NPFFR2: variants seen among roughly 807,000 people sequenced by gnomAD.
NPFFR2 encodes the protein neuropeptide FF receptor 2.
A neutral mutation model predicts 13.1 loss-of-function variants in NPFFR2; 15 were observed. The ratio of observed to expected loss-of-function variants is 1.15; its 90% CI spans 0.77 to 1.76. The LOEUF is 1.76. NPFFR2 is among the 40% of genes most tolerant of loss of function. The pLI is 0.00. For missense variants in NPFFR2, 572 were observed against 503.5 expected, an observed-to-expected ratio of 1.14 and a Z score of -1.30; for synonymous variants, 190 against 175.7, an observed-to-expected ratio of 1.08 and a Z score of -0.65.
rs1023014378 is a variant in NPFFR2 at position 72,075,210 on chromosome 4, C to T, written c.-8+43010C>T. On this transcript the variant is annotated intron_variant, in intron 1 of 3. Transcript: ENST00000308744. ...AAGGTGAGACTGGCCTGGCCTACATCTTTCTACCATGCTGGATGCTTCCTG... is the reference window on the plus strand; with the variant it reads ...AAGGTGAGACTGGCCTGGCCTACATTTTTCTACCATGCTGGATGCTTCCTG... Among the ~76,000 whole-genome samples, 6 of 152,224 alleles carry T rather than the reference C, an allele frequency of 3.9e-5. No individual in the cohort carries two copies. In the East Asian group the frequency reaches 1.2e-3, roughly 29 times the overall value.
chr4:72,088,026 C>T (rs1301277733), intron 1 of NPFFR2, among the ~76,000 whole-genome samples: 1 of 151,938 alleles, frequency 6.6e-6, no homozygotes. Flanking sequence ...AGAGCCAGAA[C>T]CTGGGACCAG....
intron 1 of NPFFR2, among the ~76,000 whole-genome samples, chr4:72,081,304 G>A (rs1480036887): frequency 1.3e-5 from 2 of 152,104 alleles, no homozygotes; most frequent in South Asian, 2.1e-4. Flanking sequence ...AGAAGCCTTC[G>A]GGCCTGCAAA....
intron 1 of NPFFR2, among the ~76,000 whole-genome samples, chr4:72,062,612 G>A (rs1458733278): frequency 1.3e-5 from 2 of 151,732 alleles, no homozygotes; most frequent in South Asian, 2.1e-4. Flanking sequence ...GCATAAAGAC[G>A]TGAAATCTTC....
chr4:72,134,485 A>C (rs185922087), intron 2 of NPFFR2, among the ~76,000 whole-genome samples: 1 of 150,004 alleles, frequency 6.7e-6, no homozygotes, highest in East Asian at 1.9e-4. Context: ...ACCTTCTCAC[A>C]TTCTCCTGGT....
chr4:72,145,566 A>G (rs1247737773), intron 3 of NPFFR2, among the ~76,000 whole-genome samples: 1 of 152,182 alleles, frequency 6.6e-6, no homozygotes, highest in African/African-American at 2.4e-5. Context: ...CCATAATTTC[A>G]CGGCAGGTGA....
chr4:72,056,967 G>A (rs749094918), intron 1 of NPFFR2, among the ~76,000 whole-genome samples: 11 of 151,866 alleles, frequency 7.2e-5, no homozygotes, highest in Non-Finnish European at 1.0e-4. Context: ...TCTACTACAG[G>A]TGAAGATGCT....
At chr4:72,070,373 T>C (rs10938000) in intron 1 of NPFFR2, among the ~76,000 whole-genome samples, 136,946 of 152,158 alleles carry the variant, frequency 0.9, 62,571 homozygotes, top group Non-Finnish European at 0.98. Flanking sequence ...GGAATAACCA[T>C]AAGCAAATTC....
At chr4:72,098,875 G>C (rs1000249149) in intron 1 of NPFFR2, among the ~76,000 whole-genome samples, 1 of 152,096 alleles carries the variant, frequency 6.6e-6, no homozygotes, top group Non-Finnish European at 1.5e-5. Context: ...TGTCACATTT[G>C]TTTGGCCAGA....
At chr4:72,079,036 T>A (rs1295709241) in intron 1 of NPFFR2, among the ~76,000 whole-genome samples, 1 of 142,792 alleles carries the variant, frequency 7.0e-6, no homozygotes, top group African/African-American at 2.7e-5. Context: ...ACATGTGTTA[T>A]AAAATGCATA....
rs373832494 is a variant in NPFFR2 at position 72,131,159 on chromosome 4, G to A, written c.328+2240G>A. ...TTTTTATAGGTATAGGATGCGGGGC[G>A]TGGCAGGGCAGGATGGTTTTGAAAA... On this transcript the variant is annotated intron_variant, in intron 2 of 3. Coordinates refer to ENST00000308744, the MANE Select transcript of NPFFR2 (RefSeq NM_004885.3). 4.3e-4 allele frequency among the ~76,000 whole-genome samples: 66 copies of A among 152,140 alleles called. No individual in the cohort carries two copies. The South Asian group carries it at 0.011, about 24-fold the overall frequency.
intron 2 of NPFFR2, among the ~76,000 whole-genome samples, chr4:72,131,980 T>C (rs1221765344): frequency 6.6e-6 from 1 of 152,098 alleles, no homozygotes; most frequent in Non-Finnish European, 1.5e-5. Flanking sequence ...ATAATTATTG[T>C]TATCACTCCC....
intron 1 of NPFFR2, among the ~76,000 whole-genome samples, chr4:72,051,728 C>G (rs1468545140): frequency 6.6e-6 from 1 of 151,702 alleles, no homozygotes; most frequent in South Asian, 2.1e-4. Flanking sequence ...AAAGGATCAA[C>G]AAAATTGATA....
chr4:72,063,203 C>T (rs773998768), intron 1 of NPFFR2, among the ~76,000 whole-genome samples: 18 of 151,946 alleles, frequency 1.2e-4, no homozygotes, highest in Admixed American at 2.6e-4. Flanking sequence ...CATTCATAAC[C>T]AAAAGTATGT....
At position 72,128,875 on chromosome 4, in the gene NPFFR2, G is replaced by C. The variant is rs771116511; in HGVS notation, c.284G>C (p.Gly95Ala). 6.2e-7 allele frequency: 1 copy of C among 1,613,834 alleles called. No homozygotes were observed. Among genetic ancestry groups the C allele is most frequent in the South Asian group, 1.1e-5 (1 of 91,054 alleles). Residue 95 changes from glycine (G) to alanine (A), a missense_variant, in exon 2 of 4, where the codon GGC (glycine) becomes GCC (alanine). Transcript: ENST00000308744. ...LNLAISDLLV[G>A]IFCMPITLLD... ...CTGGCCATAAGTGATTTACTAGTTG[G>C]CATATTCTGCATGCCTATAACACTG...
chr4:72,085,940 T>C (rs1023733984), intron 1 of NPFFR2, among the ~76,000 whole-genome samples: 2 of 152,126 alleles, frequency 1.3e-5, no homozygotes, highest in Non-Finnish European at 2.9e-5. Flanking sequence ...ATGGATTTCT[T>C]TGTCTTATAA....
chr4:72,102,960 A>C (rs551514082), intron 1 of NPFFR2, among the ~76,000 whole-genome samples: 1 of 152,212 alleles, frequency 6.6e-6, no homozygotes, highest in East Asian at 1.9e-4. Flanking sequence ...GAGTTCCACA[A>C]TGGTTGAACT....
At chr4:72,053,029 T>C (rs949461197) in intron 1 of NPFFR2, among the ~76,000 whole-genome samples, 6 of 151,814 alleles carry the variant, frequency 4.0e-5, no homozygotes, top group Non-Finnish European at 8.8e-5. Context: ...TATTGATTGA[T>C]ATCGTGTGCC....
At chr4:72,113,703 C>A (rs959571835) in intron 1 of NPFFR2, among the ~76,000 whole-genome samples, 1 of 152,032 alleles carries the variant, frequency 6.6e-6, no homozygotes, top group Non-Finnish European at 1.5e-5. Context: ...CTAATAATTT[C>A]AAGAATACAG....
At chr4:72,127,448 C>A (rs1345350341) in intron 1 of NPFFR2, among the ~76,000 whole-genome samples, 1 of 130,464 alleles carries the variant, frequency 7.7e-6, no homozygotes, top group East Asian at 2.3e-4. Flanking sequence ...ACTGCAAGCT[C>A]CGCCTCCCGG....
Sources: allele counts gnomAD v4.1 joint callset (sites outside exome capture counted in the v4.1 genomes callset), GRCh38; gene constraint gnomAD v4.1.1; transcripts MANE v1.5; gene names NCBI Gene and HGNC (gene_info 2026-07-23, HGNC 2026-07-21).